The following B3GALT1 variants were observed in gnomAD, a reference collection of about 807,000 sequenced individuals.
B3GALT1 encodes the protein beta-1,3-galactosyltransferase 1.
B3GALT1 carries 10 observed loss-of-function variants against 23.2 expected under a neutral mutation model. The observed-to-expected ratio is 0.43, with a 90% CI of 0.27 to 0.73. The LOEUF (loss-of-function observed/expected upper bound fraction) is 0.73. B3GALT1 is among the 30% of genes least tolerant of loss of function. The probability of loss-of-function intolerance (pLI) is 0.21; values close to 1 mark genes in which losing one functional copy is unlikely to be tolerated. For missense variants in B3GALT1, 299 were observed against 405.4 expected (o/e 0.74, Z 2.25); for synonymous variants, 156 against 141.5 (o/e 1.10, Z -0.73).
intron 1 of B3GALT1, among the ~76,000 whole-genome samples, chr2:167,435,928 C>G (rs1574077438): frequency 6.6e-6 from 1 of 150,558 alleles, no homozygotes; most frequent in Non-Finnish European, 1.5e-5. Flanking sequence ...CTGCTTTTCT[C>G]CATGTCTACC....
chr2:167,382,298 T>C (rs1697856769), intron 1 of B3GALT1, among the ~76,000 whole-genome samples: 2 of 152,166 alleles, frequency 1.3e-5, no homozygotes, highest in African/African-American at 2.4e-5. Flanking sequence ...TAAGTTTTTT[T>C]CTCTCTTTTT....
intron 1 of B3GALT1, among the ~76,000 whole-genome samples, chr2:167,488,039 G>A (rs1374572786): frequency 6.6e-6 from 1 of 151,958 alleles, no homozygotes; most frequent in African/African-American, 2.4e-5. Flanking sequence ...CCTAAATTCT[G>A]TTAAAAAAAA....
At chr2:167,839,566 A>G (rs1187189234) in intron 4 of B3GALT1, among the ~76,000 whole-genome samples, 58 of 152,392 alleles carry the variant, frequency 3.8e-4, no homozygotes, top group South Asian at 3.7e-3. Flanking sequence ...ATGCTCATGG[A>G]TAGGAAGAAT....
intron 2 of B3GALT1, among the ~76,000 whole-genome samples, chr2:167,512,603 T>TATAC (rs1558887836): frequency 4.1e-4 from 43 of 104,370 alleles, no homozygotes; most frequent in African/African-American, 2.2e-3. Context: ...TGTATATATA[T>TATAC]ATATGTATAT....
intron 1 of B3GALT1, among the ~76,000 whole-genome samples, chr2:167,463,515 G>A (rs1357810353): frequency 2.6e-5 from 4 of 152,122 alleles, no homozygotes; most frequent in Non-Finnish European, 4.4e-5. Context: ...TCCTGTGATC[G>A]CATGGGTTAA....
At chr2:167,863,910 G>T (rs1690155144) in intron 4 of B3GALT1, among the ~76,000 whole-genome samples, 1 of 151,962 alleles carries the variant, frequency 6.6e-6, no homozygotes, top group Non-Finnish European at 1.5e-5. Flanking sequence ...GTAATACTGT[G>T]CCTACTTTTG....
intron 3 of B3GALT1, among the ~76,000 whole-genome samples, chr2:167,708,039 C>G (rs1686991021): frequency 6.6e-6 from 1 of 152,142 alleles, no homozygotes. Context: ...TCCCAGTCAC[C>G]TCTATTTTTA....
At chr2:167,303,112 G>C (rs1696477265) in intron 1 of B3GALT1, among the ~76,000 whole-genome samples, 4 of 152,094 alleles carry the variant, frequency 2.6e-5, no homozygotes, top group African/African-American at 7.2e-5. Flanking sequence ...AAAGAAAATT[G>C]GTTGATCATT....
chr2:167,426,800 A>G (rs777094665), intron 1 of B3GALT1, among the ~76,000 whole-genome samples: 3 of 152,222 alleles, frequency 2.0e-5, no homozygotes, highest in Non-Finnish European at 2.9e-5. Context: ...CCACTCCGCA[A>G]AATGATGTAG....
chr2:167,442,705 C>T (rs9679641), intron 1 of B3GALT1, among the ~76,000 whole-genome samples: 21,715 of 143,610 alleles, frequency 0.15, 1,850 homozygotes, highest in African/African-American at 0.21. Flanking sequence ...TCATGTCCTT[C>T]GCCCACTTTT....
chr2:167,683,803 A>G (rs1383897470), intron 3 of B3GALT1, among the ~76,000 whole-genome samples: 2 of 152,206 alleles, frequency 1.3e-5, no homozygotes, highest in Non-Finnish European at 2.9e-5. Flanking sequence ...ACCTTTTGTG[A>G]TTCCTTAGGA....
chr2:167,848,079 G>A (rs375034903), intron 4 of B3GALT1, among the ~76,000 whole-genome samples: 12 of 152,076 alleles, frequency 7.9e-5, no homozygotes, highest in African/African-American at 2.4e-4. Flanking sequence ...AACAAGCAGC[G>A]AAATTAAAAT....
intron 3 of B3GALT1, among the ~76,000 whole-genome samples, chr2:167,778,871 G>T (rs1688204268): frequency 6.6e-6 from 1 of 152,122 alleles, no homozygotes; most frequent in African/African-American, 2.4e-5. Context: ...GAGGGGAGGG[G>T]ACCACACAGA....
At chr2:167,738,830 AC>A in intron 3 of B3GALT1, among the ~76,000 whole-genome samples, 1 of 152,266 alleles carries the variant, frequency 6.6e-6, no homozygotes, top group African/African-American at 2.4e-5. Flanking sequence ...TACATTTGAA[AC>A]CAAAAAATAG....
At chr2:167,820,704 G>A (rs1048423203) in intron 4 of B3GALT1, among the ~76,000 whole-genome samples, 4 of 152,200 alleles carry the variant, frequency 2.6e-5, no homozygotes, top group South Asian at 2.1e-4. Context: ...TTAGTGCAGC[G>A]TAACTGAGAC....
At chr2:167,557,960 C>T (rs1683883476) in intron 2 of B3GALT1, among the ~76,000 whole-genome samples, 1 of 152,172 alleles carries the variant, frequency 6.6e-6, no homozygotes, top group South Asian at 2.1e-4. Context: ...AAAAGCCCAG[C>T]CCACAATGCA....
chr2:167,628,297 C>A (rs13414940), intron 2 of B3GALT1, among the ~76,000 whole-genome samples: 3,152 of 151,624 alleles, frequency 0.021, 133 homozygotes, highest in African/African-American at 0.072. Flanking sequence ...ATACATTATG[C>A]TTTCACTTTA....
intron 2 of B3GALT1, among the ~76,000 whole-genome samples, chr2:167,598,764 G>A (rs896268052): frequency 3.9e-5 from 6 of 151,958 alleles, no homozygotes; most frequent in African/African-American, 7.3e-5. Flanking sequence ...TATATAATAG[G>A]GCTCTTTGCA....
chr2:167,336,134 T>G (rs1435190110), intron 1 of B3GALT1, among the ~76,000 whole-genome samples: 1 of 152,186 alleles, frequency 6.6e-6, no homozygotes, highest in Non-Finnish European at 1.5e-5. Context: ...GGAACCTTAG[T>G]GGAGTTCAGT....
Sources: gnomAD v4.1 joint callset for allele counts (sites outside exome capture counted in the v4.1 genomes callset) on GRCh38, gnomAD v4.1.1 for gene constraint, MANE v1.5 for transcripts, NCBI Gene and HGNC (gene_info 2026-07-23, HGNC 2026-07-21) for gene names.